Variants in SATB2 observed in about 807,000 individuals in gnomAD.
The protein encoded by SATB2 is SATB homeobox 2.
Under a neutral mutation model 73.4 loss-of-function variants are expected in SATB2, and 1 was observed. That is an observed-to-expected ratio of 0.01 (90% confidence interval 0.00 to 0.06). The LOEUF (loss-of-function observed/expected upper bound fraction) is 0.06, where lower values mean the gene tolerates loss of function less well. Among genes scored for constraint, SATB2 ranks in the 10% least tolerant of loss-of-function variants. The pLI is 1.00. For missense variants in SATB2, 459 were observed against 945.8 expected (o/e 0.49, Z 6.75); for synonymous variants, 397 against 367.0 (o/e 1.08, Z -0.93).
intron 7 of SATB2, among the ~76,000 whole-genome samples, chr2:199,333,167 A>G (rs980773135): frequency 1.3e-5 from 2 of 152,046 alleles, no homozygotes; most frequent in African/African-American, 4.8e-5. Context: ...AAAAAAAAAA[A>G]CAGATCAGTC....
chr2:199,409,568 G>T (rs1690747806), intron 3 of SATB2, among the ~76,000 whole-genome samples: 1 of 152,040 alleles, frequency 6.6e-6, no homozygotes, highest in African/African-American at 2.4e-5. Flanking sequence ...GGACAAGATG[G>T]TGAATTAACA....
chr2:199,329,522 T>C (rs1370505792), intron 7 of SATB2, among the ~76,000 whole-genome samples: 4 of 151,574 alleles, frequency 2.6e-5, no homozygotes, highest in African/African-American at 4.9e-5. Flanking sequence ...TATCCTTACA[T>C]ATGTACAAAG....
At chr2:199,342,935 T>C (rs576721021) in intron 7 of SATB2, among the ~76,000 whole-genome samples, 1 of 152,320 alleles carries the variant, frequency 6.6e-6, no homozygotes, top group East Asian at 1.9e-4. Context: ...ATGGTGACAA[T>C]GAATCAGCCA....
chr2:199,436,967 C>T (rs1027771800), intron 2 of SATB2, among the ~76,000 whole-genome samples: 4 of 150,690 alleles, frequency 2.7e-5, no homozygotes, highest in African/African-American at 9.7e-5. Context: ...TAGGGAGGTG[C>T]TTGAAAAGCA....
At chr2:199,380,148 T>A (rs1689726540) in intron 5 of SATB2, among the ~76,000 whole-genome samples, 1 of 152,156 alleles carries the variant, frequency 6.6e-6, no homozygotes, top group African/African-American at 2.4e-5. Context: ...CCTCCCAAAG[T>A]GCTGGGACTG....
At chr2:199,298,644 T>C (rs1299895326) in intron 10 of SATB2, among the ~76,000 whole-genome samples, 1 of 152,146 alleles carries the variant, frequency 6.6e-6, no homozygotes, top group Non-Finnish European at 1.5e-5. Context: ...GGGATTGAGC[T>C]TCTTAAGCTA....
intron 2 of SATB2, among the ~76,000 whole-genome samples, chr2:199,448,281 A>G (rs1252766940): frequency 6.6e-6 from 1 of 152,172 alleles, no homozygotes; most frequent in Non-Finnish European, 1.5e-5. Flanking sequence ...ATAGGACATA[A>G]TTGGGAAATC....
chr2:199,432,104 G>A (rs1047296075), intron 3 of SATB2, among the ~76,000 whole-genome samples: 3 of 152,140 alleles, frequency 2.0e-5, no homozygotes, highest in East Asian at 1.9e-4. Flanking sequence ...TGGACTCTAC[G>A]ATTCAGCTAT....
At chr2:199,278,230 C>T (rs548937656) in intron 10 of SATB2, among the ~76,000 whole-genome samples, 1 of 152,218 alleles carries the variant, frequency 6.6e-6, no homozygotes. Context: ...GAAAGGCAAA[C>T]AAAAAGGCTG....
intron 9 of SATB2, among the ~76,000 whole-genome samples, chr2:199,320,797 C>A (rs973478894): frequency 6.6e-6 from 1 of 152,132 alleles, no homozygotes; most frequent in East Asian, 1.9e-4. Context: ...TCTTCCTATT[C>A]CCCATTCAAG....
At chr2:199,345,389 A>G (rs1325951450) in intron 7 of SATB2, among the ~76,000 whole-genome samples, 2 of 151,728 alleles carry the variant, frequency 1.3e-5, no homozygotes, top group African/African-American at 4.8e-5. Context: ...CGTCATTTAC[A>G]TTAGGTATAT....
chr2:199,271,858 G>C lies in SATB2; in HGVS notation c.*353C>G, dbSNP rs1692167330. On this transcript the variant is annotated 3_prime_UTR_variant, in exon 11 of 11. Coordinates refer to ENST00000417098, the MANE Select transcript of SATB2 (RefSeq NM_001172509.2). ...TTTATTTCATAGTTCTTTTCATCCT[G>C]GTACTTGCCTGATGTAACTTCCGTT... 3 of 334,600 alleles carry C rather than the reference G, an allele frequency of 9.0e-6. No individual in the cohort carries two copies. The highest frequency in any genetic ancestry group is 1.7e-5 in the Non-Finnish European group (3 of 175,640). The allele number at this position is 334,600 out of a possible 1,614,324, so 20.7% of individuals were successfully genotyped here. A position where few individuals can be genotyped will look rare whatever the true frequency, so the allele number is the denominator to read the frequency against.
chr2:199,423,320 A>C (rs1474052084), intron 3 of SATB2, among the ~76,000 whole-genome samples: 5 of 152,090 alleles, frequency 3.3e-5, no homozygotes, highest in Non-Finnish European at 5.9e-5. Flanking sequence ...CACATAATAG[A>C]CACTTGAAAA....
chr2:199,271,172 AGC>A lies in SATB2; in HGVS notation c.*1037_*1038del, dbSNP rs1692144118. ...CAGGCTTATTAATTTTCAGATTTGA[AGC>A]CACAAGCAGGTAAATAAATTTCACA... On this transcript the variant is annotated 3_prime_UTR_variant, in exon 11 of 11. Coordinates refer to ENST00000417098, the MANE Select transcript of SATB2 (RefSeq NM_001172509.2). The A allele has an allele frequency of 6.5e-6, 1 of 152,812 alleles. No individual in the cohort carries two copies. Among genetic ancestry groups the A allele is most frequent in the Non-Finnish European group, 1.5e-5 (1 of 68,048 alleles). 9.5% of individuals were successfully genotyped at this position (152,812 alleles called of 1,614,324 possible).
In SATB2 at chr2:199,272,697, GA is replaced by G; in HGVS notation, c.1741-26del. 1 of 1,594,406 alleles carries G rather than the reference GA, an allele frequency of 6.3e-7. No individual in the cohort carries two copies. Among genetic ancestry groups the G allele is most frequent in the African/African-American group, 1.3e-5 (1 of 74,638 alleles). On this transcript the variant is annotated intron_variant, in intron 10 of 10. Transcript: ENST00000417098. The surrounding 1 kb of genome is among the most constrained non-coding windows in gnomAD (Gnocchi z 6.7). ...CCTGATAATTAAGAGAGAAAAAAAT[GA>G]ACACTGGACTCATGATTTTACCTTT...
At chr2:199,420,949 T>C (rs1286208650) in intron 3 of SATB2, among the ~76,000 whole-genome samples, 1 of 152,168 alleles carries the variant, frequency 6.6e-6, no homozygotes, top group Non-Finnish European at 1.5e-5. Context: ...GTTCTATAAA[T>C]GCTAGCCAAT....
chr2:199,461,282 T>C (rs1193303105), upstream of SATB2, among the ~76,000 whole-genome samples: 2 of 152,242 alleles, frequency 1.3e-5, no homozygotes, highest in African/African-American at 2.4e-5. Context: ...ACAATTTTTG[T>C]ATTGACCTTA....
Position 199,421,916 on chromosome 2 carries a change from C to T in SATB2, c.346+11422G>A, listed in dbSNP as rs150076925. On this transcript the variant is annotated intron_variant, in intron 3 of 10. Transcript: ENST00000417098. ...TATTTTCAAAGAACAACTGTATCTG[C>T]ACATAAATGTTGACGTAAATTACTC... Among the ~76,000 whole-genome samples the T allele has an allele frequency of 3.3e-5, 5 of 152,298 alleles. No individual in the cohort carries two copies. The East Asian group carries it at 9.6e-4, about 29-fold the overall frequency.
intron 6 of SATB2, among the ~76,000 whole-genome samples, chr2:199,361,078 A>G (rs1428530625): frequency 6.6e-6 from 1 of 152,046 alleles, no homozygotes; most frequent in Non-Finnish European, 1.5e-5. Flanking sequence ...AGGAATGTTC[A>G]TTTGGTACCA....
Sources: allele counts gnomAD v4.1 joint callset (sites outside exome capture counted in the v4.1 genomes callset), GRCh38; gene constraint gnomAD v4.1.1; non-coding constraint Gnocchi (gnomAD v3.1); transcripts MANE v1.5; gene names NCBI Gene and HGNC (gene_info 2026-07-23, HGNC 2026-07-21).